The following NEK11 variants were observed in gnomAD, a reference collection of about 807,000 sequenced individuals.
NEK11 encodes serine/threonine-protein kinase Nek11.
NEK11 carries 72 observed loss-of-function variants against 80.7 expected under a neutral mutation model. The observed-to-expected ratio is 0.89, with a 90% CI of 0.74 to 1.08. The LOEUF (loss-of-function observed/expected upper bound fraction) is 1.08. Among genes scored for constraint, NEK11 ranks in the 50% least tolerant of loss-of-function variants. The pLI, the probability that NEK11 is intolerant of heterozygous loss-of-function variation, is 0.00. For synonymous variants in NEK11, 251 were observed against 260.7 expected, an observed-to-expected ratio of 0.96 and a Z score of 0.36; for missense variants, 764 against 763.6, an observed-to-expected ratio of 1.00 and a Z score of -0.01.
At chr3:131,243,781 C>T (rs2095554168) in intron 16 of NEK11, among the ~76,000 whole-genome samples, 1 of 152,010 alleles carries the variant, frequency 6.6e-6, no homozygotes, top group Admixed American at 6.6e-5. Context: ...CAAGTTTGTG[C>T]AGTTTCTGGA....
intron 15 of NEK11, among the ~76,000 whole-genome samples, chr3:131,239,178 G>A (rs760993950): frequency 6.6e-6 from 1 of 152,006 alleles, no homozygotes; most frequent in Non-Finnish European, 1.5e-5. Context: ...GGTTTTGCAT[G>A]ATTTGGTGGG....
intron 17 of NEK11, among the ~76,000 whole-genome samples, chr3:131,293,985 T>C (rs1445214937): frequency 6.6e-6 from 1 of 151,804 alleles, no homozygotes; most frequent in African/African-American, 2.4e-5. Context: ...TTAGCCTGTC[T>C]AGTGGCTTAG....
intron 15 of NEK11, among the ~76,000 whole-genome samples, chr3:131,228,954 C>T (rs114502893): frequency 0.01 from 1,596 of 152,162 alleles, 34 homozygotes; most frequent in African/African-American, 0.036. Flanking sequence ...TGGCACACAC[C>T]ATATTCCCAC....
chr3:131,100,037 A>G (rs114876026), intron 4 of NEK11, among the ~76,000 whole-genome samples: 7,930 of 152,202 alleles, frequency 0.052, 272 homozygotes, highest in Middle Eastern at 0.11. Context: ...ATCTTGTTCC[A>G]GTTCTCAAAG....
At chr3:131,255,761 T>C (rs776308465) in intron 16 of NEK11, among the ~76,000 whole-genome samples, 1 of 152,196 alleles carries the variant, frequency 6.6e-6, no homozygotes, top group South Asian at 2.1e-4. Context: ...CCTCTGAGAA[T>C]ATTTCAGTGA....
At chr3:131,267,045 ATAT>A (rs1463017845) in intron 16 of NEK11, among the ~76,000 whole-genome samples, 1 of 152,134 alleles carries the variant, frequency 6.6e-6, no homozygotes, top group Non-Finnish European at 1.5e-5. Flanking sequence ...TGCTTGGTAA[ATAT>A]TATTCCATCC....
At chr3:131,206,491 A>G (rs984701438) in intron 14 of NEK11, among the ~76,000 whole-genome samples, 5 of 152,220 alleles carry the variant, frequency 3.3e-5, no homozygotes, top group African/African-American at 1.2e-4. Flanking sequence ...AACAGCTAAT[A>G]AAAATATTAG....
intron 17 of NEK11, among the ~76,000 whole-genome samples, chr3:131,345,053 T>C (rs1382830135): frequency 2.6e-5 from 4 of 152,252 alleles, no homozygotes; most frequent in Non-Finnish European, 5.9e-5. Context: ...TTGCATCTTT[T>C]CTTTTTTTCA....
intron 17 of NEK11, among the ~76,000 whole-genome samples, chr3:131,316,869 G>T (rs1461813657): frequency 6.6e-6 from 1 of 152,062 alleles, no homozygotes; most frequent in East Asian, 1.9e-4. Context: ...TACACAGGAA[G>T]AATTAAATAT....
At chr3:131,334,505 A>C (rs2097148444) in intron 17 of NEK11, among the ~76,000 whole-genome samples, 1 of 151,338 alleles carries the variant, frequency 6.6e-6, no homozygotes, top group African/African-American at 2.4e-5. Flanking sequence ...AATGCCCACA[A>C]GAGAAAGCAG....
At chr3:131,162,305 C>A in intron 10 of NEK11, 103 bp from the exon 11 acceptor site, 3 of 1,412,364 alleles carry the variant, frequency 2.1e-6, no homozygotes, top group Non-Finnish European at 2.9e-6. Context: ...TCTCAAGATG[C>A]TTTTGCTCTC....
intron 14 of NEK11, among the ~76,000 whole-genome samples, chr3:131,205,544 A>G (rs1004279383): frequency 6.6e-6 from 1 of 152,030 alleles, no homozygotes; most frequent in African/African-American, 2.4e-5. Flanking sequence ...TGTGGGGGCT[A>G]CTCTCAAGCT....
At chr3:131,206,759 TGCTGCACCCATTAA>T (rs1489794397) in intron 14 of NEK11, among the ~76,000 whole-genome samples, 31 of 152,344 alleles carry the variant, frequency 2.0e-4, no homozygotes, top group Admixed American at 1.3e-3. Flanking sequence ...CATGTTGGTG[TGCTGCACCCATTAA>T]GCTGCACCCA....
At chr3:131,170,911 GA>G in intron 14 of NEK11, 24 bp downstream of exon 14, 1 of 1,547,154 alleles carries the variant, frequency 6.5e-7, no homozygotes. Context: ...TTGATTTTCA[GA>G]AGGATGCTCA....
intron 14 of NEK11, among the ~76,000 whole-genome samples, chr3:131,173,384 C>A (rs1370266929): frequency 6.6e-6 from 1 of 152,114 alleles, no homozygotes; most frequent in African/African-American, 2.4e-5. Flanking sequence ...AGAGCCATCA[C>A]TATTTATGCA....
At chr3:131,168,991 A>G (rs1392236717) in intron 13 of NEK11, 54 bp downstream of exon 13, 2 of 1,367,340 alleles carry the variant, frequency 1.5e-6, no homozygotes, top group East Asian at 2.3e-5. Context: ...AATGATATCC[A>G]GAGAACAAAG....
At chr3:131,196,797 C>G (rs993184626) in intron 14 of NEK11, among the ~76,000 whole-genome samples, 1 of 151,666 alleles carries the variant, frequency 6.6e-6, no homozygotes, top group Admixed American at 6.6e-5. Context: ...GCTGGGATTA[C>G]AGGTGTGAGG....
At chr3:131,089,374 A>G (rs1190097967) in intron 4 of NEK11, among the ~76,000 whole-genome samples, 1 of 152,126 alleles carries the variant, frequency 6.6e-6, no homozygotes, top group Non-Finnish European at 1.5e-5. Flanking sequence ...GAGATATGGT[A>G]GGCTATGAAG....
chr3:131,160,030 C>T (rs1039979470), intron 10 of NEK11, among the ~76,000 whole-genome samples: 1 of 152,114 alleles, frequency 6.6e-6, no homozygotes, highest in African/African-American at 2.4e-5. Context: ...AAGAACTTCC[C>T]CAACCTAGCT....
Sources: gnomAD v4.1 joint callset for allele counts (sites outside exome capture counted in the v4.1 genomes callset) on GRCh38, gnomAD v4.1.1 for gene constraint, MANE v1.5 for transcripts, NCBI Gene and HGNC (gene_info 2026-07-23, HGNC 2026-07-21) for gene names.